Variants in NBEA observed in about 807,000 individuals in gnomAD.
NBEA encodes the protein neurobeachin.
NBEA carries 44 observed loss-of-function variants against 343.4 expected under a neutral mutation model. The ratio of observed to expected loss-of-function variants is 0.13; its 90% CI spans 0.10 to 0.16. The LOEUF is 0.16. NBEA is among the 10% of genes least tolerant of loss of function. NBEA has a pLI of 1.00. For missense variants in NBEA, 2,555 were observed against 3,631.3 expected (o/e 0.70, Z 7.62); for synonymous variants, 1,175 against 1,238.7 (o/e 0.95, Z 1.08).
intron 45 of NBEA, among the ~76,000 whole-genome samples, chr13:35,573,983 T>C (rs2080583674): frequency 6.6e-6 from 1 of 152,182 alleles, no homozygotes; most frequent in Non-Finnish European, 1.5e-5. Context: ...TCCTTCTACT[T>C]AATACCTGGA....
intron 45 of NBEA, among the ~76,000 whole-genome samples, chr13:35,568,665 T>A (rs1293742959): frequency 2.6e-5 from 4 of 152,052 alleles, no homozygotes; most frequent in Non-Finnish European, 5.9e-5. Flanking sequence ...GGGACCAGAG[T>A]GTTTTGGATT....
chr13:35,498,879 C>A (rs1464581727), intron 41 of NBEA, among the ~76,000 whole-genome samples: 1 of 151,976 alleles, frequency 6.6e-6, no homozygotes, highest in Non-Finnish European at 1.5e-5. Flanking sequence ...ATATACTTTT[C>A]TGATATTATT....
At chr13:35,247,333 T>C (rs896854281) in intron 34 of NBEA, among the ~76,000 whole-genome samples, 3 of 152,170 alleles carry the variant, frequency 2.0e-5, no homozygotes, top group Non-Finnish European at 4.4e-5. Context: ...TGTTACAAAA[T>C]TCAGCTGGAG....
At chr13:35,560,809 C>T (rs1007070042) in intron 44 of NBEA, among the ~76,000 whole-genome samples, 8 of 152,152 alleles carry the variant, frequency 5.3e-5, no homozygotes, top group Admixed American at 3.9e-4. Context: ...AGCAATTCTT[C>T]GAGATGGACA....
At chr13:35,422,351 A>G (rs1463492980) in intron 38 of NBEA, among the ~76,000 whole-genome samples, 3 of 122,420 alleles carry the variant, frequency 2.5e-5, no homozygotes, top group Non-Finnish European at 4.7e-5. Flanking sequence ...TCCTGTGTCC[A>G]TGTGTTCTCA....
chr13:35,028,573 C>G (rs1188037882), intron 1 of NBEA, among the ~76,000 whole-genome samples: 1 of 151,766 alleles, frequency 6.6e-6, no homozygotes, highest in Non-Finnish European at 1.5e-5. Context: ...TAGGCCGGTT[C>G]ATGTCATATG....
intron 1 of NBEA, among the ~76,000 whole-genome samples, chr13:34,977,386 G>T (rs541415900): frequency 6.6e-6 from 1 of 151,096 alleles, no homozygotes; most frequent in African/African-American, 2.4e-5. Context: ...TTGGCTCACT[G>T]CAACCCCTGT....
At chr13:34,958,311 A>G (rs1285098927) in intron 1 of NBEA, among the ~76,000 whole-genome samples, 3 of 152,132 alleles carry the variant, frequency 2.0e-5, no homozygotes, top group African/African-American at 4.8e-5. Context: ...TTTATGAACT[A>G]TAATAGTCAC....
intron 13 of NBEA, among the ~76,000 whole-genome samples, chr13:35,113,592 T>TCTATCTAC (rs2152663627): frequency 6.8e-6 from 1 of 146,070 alleles, no homozygotes; most frequent in African/African-American, 2.5e-5. Flanking sequence ...CACTCATCTA[T>TCTATCTAC]CTATCTATCT....
At chr13:35,399,162 T>C (rs1415450034) in intron 38 of NBEA, among the ~76,000 whole-genome samples, 1 of 152,134 alleles carries the variant, frequency 6.6e-6, no homozygotes, top group Non-Finnish European at 1.5e-5. Flanking sequence ...AGATAGGGCT[T>C]TGCTCTGGAT....
chr13:35,155,705 G>T, intron 18 of NBEA, 69 bp from the exon 19 acceptor site: 2 of 1,190,124 alleles, frequency 1.7e-6, no homozygotes, highest in Non-Finnish European at 1.2e-6. Context: ...CAGGTTCATT[G>T]TATATCTATA....
At chr13:35,585,877 A>G (rs1011665128) in intron 46 of NBEA, among the ~76,000 whole-genome samples, 2 of 152,240 alleles carry the variant, frequency 1.3e-5, no homozygotes, top group South Asian at 2.1e-4. Flanking sequence ...AAATATCTCT[A>G]TCTCCTTTTC....
intron 34 of NBEA, among the ~76,000 whole-genome samples, chr13:35,240,464 T>C (rs923272712): frequency 1.3e-5 from 2 of 151,872 alleles, no homozygotes; most frequent in African/African-American, 4.8e-5. Context: ...AGACGGTATG[T>C]ATGAATGAAT....
chr13:35,193,548 G>A (rs751659030), intron 30 of NBEA, among the ~76,000 whole-genome samples: 1 of 151,630 alleles, frequency 6.6e-6, no homozygotes, highest in African/African-American at 2.4e-5. Flanking sequence ...CATTTATAGG[G>A]TTACTATTCT....
intron 38 of NBEA, among the ~76,000 whole-genome samples, chr13:35,386,052 A>G (rs1162041457): frequency 1.3e-5 from 2 of 152,146 alleles, no homozygotes; most frequent in Admixed American, 6.5e-5. Context: ...TATATAATAG[A>G]AAACCTACAA....
At chr13:35,606,793 G>A (rs571123648) in intron 48 of NBEA, among the ~76,000 whole-genome samples, 1 of 152,292 alleles carries the variant, frequency 6.6e-6, no homozygotes, top group South Asian at 2.1e-4. Context: ...GACTAATAAA[G>A]CAATGGTAAT....
chr13:35,031,368 T>G (rs1431446515), intron 1 of NBEA, among the ~76,000 whole-genome samples: 1 of 151,716 alleles, frequency 6.6e-6, no homozygotes, highest in Non-Finnish European at 1.5e-5. Flanking sequence ...TTGAGTTGGT[T>G]TCAGTAAATG....
Position 35,258,187 on chromosome 13 carries a change from T to TG in NBEA, c.5776+25568_5776+25569insG, listed in dbSNP as rs1437670406. 2.3e-3 allele frequency among the ~76,000 whole-genome samples: 350 copies of TG among 149,256 alleles called. 2 individuals carry two copies. The highest frequency in any genetic ancestry group is 8.0e-3 in the African/African-American group (321 of 40,074). ...TCTTTGTCATTTTTTTTTTTTTTTT[T>TG]AAACAACATCTCGCTCTGTCACCAG... On this transcript the variant is annotated intron_variant, in intron 34 of 58. Coordinates refer to ENST00000379939, the MANE Select transcript of NBEA (RefSeq NM_001385012.1).
At chr13:35,472,932 G>A (rs113607168) in intron 41 of NBEA, among the ~76,000 whole-genome samples, 1 of 152,126 alleles carries the variant, frequency 6.6e-6, no homozygotes, top group Non-Finnish European at 1.5e-5. Flanking sequence ...TTATTGAAAA[G>A]TTATAAGGAA....
Sources: allele counts gnomAD v4.1 joint callset (sites outside exome capture counted in the v4.1 genomes callset), GRCh38; gene constraint gnomAD v4.1.1; transcripts MANE v1.5; gene names NCBI Gene and HGNC (gene_info 2026-07-23, HGNC 2026-07-21).